Variants in GALNT17 observed in about 807,000 individuals in gnomAD.
The protein encoded by GALNT17 is UDP-GalNAc:polypeptide N-acetylgalactosaminyltransferase-like 3.
GALNT17 carries 29 observed loss-of-function variants against 63.7 expected under a neutral mutation model. The ratio of observed to expected loss-of-function variants is 0.46; its 90% confidence interval spans 0.34 to 0.62. The LOEUF (loss-of-function observed/expected upper bound fraction) is 0.62. Among genes scored for constraint, GALNT17 ranks in the 20% least tolerant of loss-of-function variants. GALNT17 has a pLI of 0.01. For synonymous variants in GALNT17, 305 were observed against 318.3 expected (o/e 0.96, Z 0.45); for missense variants, 603 against 799.6 (o/e 0.75, Z 2.97).
chr7:71,660,256 C>G (rs1790887041), intron 6 of GALNT17, among the ~76,000 whole-genome samples: 1 of 152,164 alleles, frequency 6.6e-6, no homozygotes. Flanking sequence ...AAAGGGTCAC[C>G]AAGAACCCTG....
At chr7:71,337,724 T>C (rs939060101) in intron 2 of GALNT17, among the ~76,000 whole-genome samples, 14 of 151,084 alleles carry the variant, frequency 9.3e-5, no homozygotes, top group African/African-American at 3.4e-4. Context: ...AAAAATTGGC[T>C]GGGCGCGGTG....
intron 1 of GALNT17, among the ~76,000 whole-genome samples, chr7:71,217,762 A>ACT (rs1421240690): frequency 6.6e-6 from 1 of 151,802 alleles, no homozygotes; most frequent in East Asian, 2.0e-4. Context: ...TGTCTCCACT[A>ACT]AAATGTACAA....
chr7:71,346,192 A>C (rs1013564433), intron 2 of GALNT17, among the ~76,000 whole-genome samples: 6 of 151,838 alleles, frequency 4.0e-5, no homozygotes, highest in Admixed American at 1.3e-4. Context: ...ATGAGTGTGT[A>C]CATGTGACAG....
intron 8 of GALNT17, among the ~76,000 whole-genome samples, chr7:71,671,469 C>G (rs1373536778): frequency 6.6e-6 from 1 of 152,204 alleles, no homozygotes; most frequent in African/African-American, 2.4e-5. Flanking sequence ...CAGGTTAAGT[C>G]ATCAGGGTGT....
At chr7:71,407,331 C>G (rs541123459) in intron 3 of GALNT17, among the ~76,000 whole-genome samples, 1 of 152,282 alleles carries the variant, frequency 6.6e-6, no homozygotes, top group East Asian at 1.9e-4. Flanking sequence ...GAGGGGCAGG[C>G]CAGCTGACCA....
chr7:71,326,408 A>G (rs1791705601), intron 1 of GALNT17, among the ~76,000 whole-genome samples: 1 of 152,144 alleles, frequency 6.6e-6, no homozygotes, highest in Non-Finnish European at 1.5e-5. Flanking sequence ...GCAGTGAGGT[A>G]AGATCACCCC....
chr7:71,144,367 C>T (rs761874008), intron 1 of GALNT17, among the ~76,000 whole-genome samples: 1 of 152,100 alleles, frequency 6.6e-6, no homozygotes, highest in African/African-American at 2.4e-5. Context: ...GATGCAAGCT[C>T]AGGTCTTAGC....
rs1411864038 is a variant in GALNT17, at chr7:71,379,318, C to T, written c.423-8917C>T. 4.6e-5 allele frequency among the ~76,000 whole-genome samples: 7 copies of T among 152,012 alleles called. No individual in the cohort carries two copies. In the South Asian group the frequency reaches 6.2e-4, roughly 14 times the overall value. On this transcript the variant is annotated intron_variant, in intron 2 of 10. Coordinates refer to ENST00000333538, the MANE Select transcript of GALNT17 (RefSeq NM_022479.3). ...AGGCGATGAGGTTGGAGAGATGGAT[C>T]GGGCTCAACTTGGGTGCCAAGCAGA... is the stretch of plus-strand genomic sequence containing the variant.
chr7:71,662,120 G>A, intron 6 of GALNT17, among the ~76,000 whole-genome samples: 1 of 152,152 alleles, frequency 6.6e-6, no homozygotes, highest in East Asian at 1.9e-4. Context: ...TGCCAAGTCA[G>A]ACTGGCTTGT....
At chr7:71,531,279 A>G (rs1462022101) in intron 5 of GALNT17, among the ~76,000 whole-genome samples, 1 of 152,180 alleles carries the variant, frequency 6.6e-6, no homozygotes, top group Non-Finnish European at 1.5e-5. Flanking sequence ...ACCTGCTCCA[A>G]AAGTTTTCTC....
chr7:71,457,841 TG>T (rs1250870373), intron 5 of GALNT17, among the ~76,000 whole-genome samples: 2 of 152,208 alleles, frequency 1.3e-5, no homozygotes, highest in Admixed American at 6.5e-5. Context: ...CTTAACTGTC[TG>T]GGAATCCAGC....
intron 6 of GALNT17, among the ~76,000 whole-genome samples, chr7:71,634,762 A>AAAAAAAG (rs1208196933): frequency 1.3e-5 from 2 of 151,412 alleles, no homozygotes; most frequent in African/African-American, 4.9e-5. Flanking sequence ...TCAAAAAAAA[A>AAAAAAAG]AAAAAAGAAA....
intron 4 of GALNT17, among the ~76,000 whole-genome samples, chr7:71,419,575 G>C (rs1786620122): frequency 6.6e-6 from 1 of 152,326 alleles, no homozygotes; most frequent in South Asian, 2.1e-4. Context: ...TCTAAGAGTT[G>C]AGAGGAAGAA....
intron 6 of GALNT17, among the ~76,000 whole-genome samples, chr7:71,585,553 T>C (rs1460277342): frequency 6.6e-6 from 1 of 152,236 alleles, no homozygotes. Flanking sequence ...TTCAGAATAA[T>C]GAGTTGGTGT....
intron 1 of GALNT17, among the ~76,000 whole-genome samples, chr7:71,318,809 A>G (rs188833932): frequency 4.2e-3 from 635 of 152,316 alleles, no homozygotes; most frequent in Non-Finnish European, 6.3e-3. Flanking sequence ...TCTGTAATTC[A>G]TGAAACCCCT....
chr7:71,385,203 G>A (rs545243651), intron 2 of GALNT17, among the ~76,000 whole-genome samples: 8 of 152,114 alleles, frequency 5.3e-5, no homozygotes, highest in Non-Finnish European at 1.0e-4. Context: ...GCGATACCGA[G>A]AAACCCAGGT....
At chr7:71,529,789 C>A (rs187424164) in intron 5 of GALNT17, among the ~76,000 whole-genome samples, 43 of 152,310 alleles carry the variant, frequency 2.8e-4, no homozygotes, top group African/African-American at 9.9e-4. Flanking sequence ...TGTTACTGCA[C>A]AACTAGGTAA....
chr7:71,563,602 G>A (rs1005777395), intron 5 of GALNT17, among the ~76,000 whole-genome samples: 1 of 151,092 alleles, frequency 6.6e-6, no homozygotes, highest in Non-Finnish European at 1.5e-5. Flanking sequence ...TTTTAAATTT[G>A]TTTTGAGACA....
rs145891484 is a variant in GALNT17 at position 71,249,158 on chromosome 7, A to T, written c.239-86392A>T. On this transcript the variant is annotated intron_variant, in intron 1 of 10. Coordinates refer to ENST00000333538, the MANE Select transcript of GALNT17 (RefSeq NM_022479.3). ...ACTCACAGCCAATATTTTCAGGCAC[A>T]TGCATTCTTAAGGTTCATCTTTACA... Among the ~76,000 whole-genome samples the T allele has an allele frequency of 1.1e-3, 175 of 152,354 alleles. 1 individual carries two copies. Among genetic ancestry groups the T allele is most frequent in the African/African-American group, 3.4e-3 (142 of 41,590 alleles).
Sources: gnomAD v4.1 joint callset for allele counts (sites outside exome capture counted in the v4.1 genomes callset) on GRCh38, gnomAD v4.1.1 for gene constraint, MANE v1.5 for transcripts, NCBI Gene and HGNC (gene_info 2026-07-23, HGNC 2026-07-21) for gene names.